KALRN: variants seen among roughly 807,000 people sequenced by gnomAD.
KALRN encodes the protein kalirin.
KALRN carries 70 observed loss-of-function variants against 353.7 expected under a neutral mutation model. The observed-to-expected ratio is 0.20, with a 90% CI of 0.16 to 0.24. KALRN has a LOEUF of 0.24. KALRN is among the 10% of genes least tolerant of loss of function. The probability of loss-of-function intolerance (pLI) is 1.00; values close to 1 mark genes in which losing one functional copy is unlikely to be tolerated. For synonymous variants in KALRN, 1,391 were observed against 1,434.8 expected (o/e 0.97, Z 0.69); for missense variants, 2,791 against 3,756.7 (o/e 0.74, Z 6.72).
At chr3:124,446,741 G>C (rs1476570067) in intron 20 of KALRN, 22 bp from the exon 21 acceptor site, 1 of 1,613,394 alleles carries the variant, frequency 6.2e-7, no homozygotes, top group Admixed American at 1.7e-5. Flanking sequence ...TTGGGGACTG[G>C]ATGAGTTGTT....
At chr3:124,179,192 C>T (rs1474706681) in intron 1 of KALRN, among the ~76,000 whole-genome samples, 1 of 152,140 alleles carries the variant, frequency 6.6e-6, no homozygotes, top group Non-Finnish European at 1.5e-5. Flanking sequence ...TGTAATAACA[C>T]AACTTAAAAC....
At chr3:124,675,729 C>T (rs2087114037) in intron 49 of KALRN, among the ~76,000 whole-genome samples, 1 of 152,056 alleles carries the variant, frequency 6.6e-6, no homozygotes, top group Non-Finnish European at 1.5e-5. Context: ...ACTGGGCAGC[C>T]CTGAGGTGCT....
chr3:124,352,540 T>C (rs1010236488), intron 10 of KALRN, among the ~76,000 whole-genome samples: 9 of 152,206 alleles, frequency 5.9e-5, no homozygotes, highest in African/African-American at 2.2e-4. Context: ...TTAAGTAGCA[T>C]TAATGTAACA....
chr3:124,385,061 G>T (rs1334830407), intron 11 of KALRN, 25 bp downstream of exon 11: 1 of 1,556,658 alleles, frequency 6.4e-7, no homozygotes, highest in South Asian at 1.2e-5. Flanking sequence ...TGGAGAGAGG[G>T]CATTCTGTCC....
chr3:124,614,470 G>C (rs1321590645), intron 34 of KALRN, among the ~76,000 whole-genome samples: 4 of 151,518 alleles, frequency 2.6e-5, no homozygotes, highest in Non-Finnish European at 5.9e-5. Context: ...ATGTTGCCCA[G>C]ACTGGTCTCA....
intron 1 of KALRN, among the ~76,000 whole-genome samples, chr3:124,180,847 A>G (rs1440688479): frequency 6.6e-6 from 1 of 151,462 alleles, no homozygotes; most frequent in Non-Finnish European, 1.5e-5. Context: ...ACTTCCTGTA[A>G]TGAACAACAC....
chr3:124,462,298 A>G (rs560746606), intron 24 of KALRN, among the ~76,000 whole-genome samples: 53 of 152,368 alleles, frequency 3.5e-4, no homozygotes, highest in Middle Eastern at 6.8e-3. Context: ...CACACATTTA[A>G]TAAATGACAA....
At chr3:124,131,383 C>T (rs1405707246) in intron 1 of KALRN, among the ~76,000 whole-genome samples, 1 of 152,192 alleles carries the variant, frequency 6.6e-6, no homozygotes, top group Non-Finnish European at 1.5e-5. Context: ...ATGAAATAGA[C>T]CTTCCAGTCA....
intron 10 of KALRN, among the ~76,000 whole-genome samples, chr3:124,374,715 T>TTC (rs1419572127): frequency 2.0e-5 from 3 of 152,216 alleles, no homozygotes; most frequent in Admixed American, 6.5e-5. Flanking sequence ...AAGCCCAGTC[T>TTC]TCTCTCTCTG....
intron 55 of KALRN, among the ~76,000 whole-genome samples, 184 bp downstream of exon 55, chr3:124,697,908 C>T: frequency 6.6e-6 from 1 of 152,142 alleles, no homozygotes; most frequent in Non-Finnish European, 1.5e-5. Context: ...GTGATCCTCC[C>T]ACCTTGGCCT....
intron 34 of KALRN, among the ~76,000 whole-genome samples, chr3:124,571,152 T>A (rs981784588): frequency 1.8e-4 from 27 of 152,218 alleles, no homozygotes; most frequent in African/African-American, 6.5e-4. Context: ...TAGAAGAAAG[T>A]AATACAATTT....
intron 33 of KALRN, chr3:124,518,887 C>T (rs2066921882): frequency 9.8e-7 from 1 of 1,019,812 alleles, no homozygotes; most frequent in African/African-American, 1.7e-5. Flanking sequence ...CCAGGCTGAA[C>T]ATTTCTATTA....
chr3:124,252,815 A>T lies in KALRN; in HGVS notation c.264-11683A>T, dbSNP rs967292446. ...GACCCAGCGGAGAGAGCGCATGAGCAGCACAGGGAGCCCCACCACCTCTCT... is the reference window on the plus strand; with the variant it reads ...GACCCAGCGGAGAGAGCGCATGAGCTGCACAGGGAGCCCCACCACCTCTCT... On this transcript the variant is annotated intron_variant, in intron 3 of 59. Transcript: ENST00000682506. 5.9e-5 allele frequency among the ~76,000 whole-genome samples: 9 copies of T among 152,218 alleles called. No homozygotes were observed. In the South Asian group the frequency reaches 6.2e-4, roughly 11 times the overall value.
Position 124,717,502 on chromosome 3 carries a change from C to A in KALRN, c.8415+117C>A, listed in dbSNP as rs564524050. On this transcript the variant is annotated intron_variant, in intron 59 of 59. Coordinates refer to ENST00000682506, the MANE Select transcript of KALRN (RefSeq NM_001388419.1). ...GAGATCGAGACCATCCTGGCTGACA[C>A]GGTGAAACCCCGTCTCTACTAAAAA... 9.3e-6 allele frequency: 5 copies of A among 540,142 alleles called. No homozygotes were observed. In the South Asian group the frequency reaches 1.2e-4, roughly 13 times the overall value. 33.5% of individuals were successfully genotyped at this position (540,142 alleles called of 1,614,324 possible). A position where few individuals can be genotyped will look rare whatever the true frequency, so the allele number is the denominator to read the frequency against.
chr3:124,185,353 G>A (rs2074092576), intron 1 of KALRN, among the ~76,000 whole-genome samples: 1 of 152,172 alleles, frequency 6.6e-6, no homozygotes, highest in African/African-American at 2.4e-5. Context: ...CTTATGTCAA[G>A]CTTCGGGCCA....
chr3:124,461,987 T>C (rs777834444), intron 24 of KALRN, 31 bp downstream of exon 24: 32 of 1,537,806 alleles, frequency 2.1e-5, no homozygotes, highest in Non-Finnish European at 2.9e-5. Flanking sequence ...TTCACAGCTA[T>C]ATTGGAAAAA....
intron 10 of KALRN, among the ~76,000 whole-genome samples, chr3:124,368,798 G>A (rs1057206971): frequency 7.2e-5 from 11 of 152,162 alleles, no homozygotes; most frequent in African/African-American, 1.7e-4. Context: ...ACGAGACTCC[G>A]TCTGCAATCC....
intron 1 of KALRN, among the ~76,000 whole-genome samples, chr3:124,128,383 G>C (rs1266705120): frequency 2.0e-5 from 3 of 152,118 alleles, no homozygotes; most frequent in African/African-American, 7.2e-5. Context: ...AAAGATATTT[G>C]GACCTGAAAA....
At chr3:124,530,299 C>T (rs1222774673) in intron 33 of KALRN, among the ~76,000 whole-genome samples, 1 of 152,172 alleles carries the variant, frequency 6.6e-6, no homozygotes, top group African/African-American at 2.4e-5. Flanking sequence ...ATAGGAATAG[C>T]TATTGCATTA....
Sources: allele counts gnomAD v4.1 joint callset (sites outside exome capture counted in the v4.1 genomes callset), GRCh38; gene constraint gnomAD v4.1.1; transcripts MANE v1.5; gene names NCBI Gene and HGNC (gene_info 2026-07-23, HGNC 2026-07-21).